The following PLPPR5 variants were observed in gnomAD, a reference collection of about 807,000 sequenced individuals.
PLPPR5 encodes the protein phospholipid phosphatase related 5, also known as phospholipid phosphatase-related protein type 5.
PLPPR5 carries 16 observed loss-of-function variants against 33.9 expected under a neutral mutation model. That is an observed-to-expected ratio of 0.47 (90% CI 0.32 to 0.72). The LOEUF (loss-of-function observed/expected upper bound fraction) is 0.72. Among genes scored for constraint, PLPPR5 ranks in the 30% least tolerant of loss-of-function variants. The pLI is 0.03. For synonymous variants in PLPPR5, 163 were observed against 150.3 expected, an observed-to-expected ratio of 1.08 and a Z score of -0.62; for missense variants, 301 against 406.7, an observed-to-expected ratio of 0.74 and a Z score of 2.23.
chr1:98,973,216 AC>A (rs1651719974), intron 1 of PLPPR5, among the ~76,000 whole-genome samples: 1 of 152,110 alleles, frequency 6.6e-6, no homozygotes, highest in Non-Finnish European at 1.5e-5. Flanking sequence ...CGTTACAAAG[AC>A]CCTGAACCTG....
chr1:98,995,122 T>C (rs1257396272), intron 1 of PLPPR5, among the ~76,000 whole-genome samples: 1 of 152,064 alleles, frequency 6.6e-6, no homozygotes, highest in Non-Finnish European at 1.5e-5. Context: ...TAAAACAGAA[T>C]TGTCATTTGA....
At chr1:98,956,798 AT>A in intron 1 of PLPPR5, 57 bp from the exon 2 acceptor site, 1 of 1,330,636 alleles carries the variant, frequency 7.5e-7, no homozygotes, top group Non-Finnish European at 1.0e-6. Context: ...TAAATGTAAA[AT>A]ATTTTTATTT....
chr1:98,959,647 A>G (rs1383055319), intron 1 of PLPPR5, among the ~76,000 whole-genome samples: 1 of 152,124 alleles, frequency 6.6e-6, no homozygotes, highest in Non-Finnish European at 1.5e-5. Context: ...TTCCGAGCAT[A>G]CATGATTTCC....
rs542213459 is a variant in PLPPR5, at chr1:98,910,886, G to A, written c.933+3900C>T. Among the ~76,000 whole-genome samples the A allele has an allele frequency of 1.0e-3, 99 of 94,566 alleles. 1 individual carries two copies. Among genetic ancestry groups the A allele is most frequent in the Admixed American group, 9.3e-3 (92 of 9,916 alleles). 62.0% of individuals were successfully genotyped at this position (94,566 alleles called of 152,430 possible). A position where few individuals can be genotyped will look rare whatever the true frequency, so the allele number is the denominator to read the frequency against. On this transcript the variant is annotated intron_variant, in intron 5 of 5. Coordinates refer to ENST00000263177, the MANE Select transcript of PLPPR5 (RefSeq NM_001037317.2). ...CACAGACAGCAGCCCTAGCCAGAGA[G>A]TGTTTTTTTTTTTTTTTTTCTCATC...
chr1:98,899,995 CT>C (rs1380416225), intron 5 of PLPPR5, among the ~76,000 whole-genome samples: 2 of 152,104 alleles, frequency 1.3e-5, no homozygotes, highest in African/African-American at 4.8e-5. Context: ...CTCTACCACA[CT>C]TTTATCCCTT....
At chr1:98,896,877 G>A (rs116362522) in intron 5 of PLPPR5, among the ~76,000 whole-genome samples, 11 of 152,120 alleles carry the variant, frequency 7.2e-5, no homozygotes, top group African/African-American at 2.6e-4. Flanking sequence ...AAACTGTCAC[G>A]ATTCGTGGCA....
At chr1:98,969,675 G>C (rs149172643) in intron 1 of PLPPR5, among the ~76,000 whole-genome samples, 3,188 of 152,000 alleles carry the variant, frequency 0.021, 46 homozygotes, top group African/African-American at 0.035. Context: ...GAATCAGTGG[G>C]GTGGCTCTTT....
chr1:98,962,304 T>C (rs1651277285), intron 1 of PLPPR5, among the ~76,000 whole-genome samples: 1 of 150,122 alleles, frequency 6.7e-6, no homozygotes, highest in African/African-American at 2.5e-5. Flanking sequence ...TTACCTCACA[T>C]AATTAGCATT....
chr1:98,974,393 T>C (rs1278164469), intron 1 of PLPPR5, among the ~76,000 whole-genome samples: 1 of 152,090 alleles, frequency 6.6e-6, no homozygotes, highest in Admixed American at 6.6e-5. Flanking sequence ...GAAAACTTTG[T>C]TAGTTAAGTC....
chr1:98,985,072 G>A (rs1355516054), intron 1 of PLPPR5, among the ~76,000 whole-genome samples: 1 of 152,052 alleles, frequency 6.6e-6, no homozygotes, highest in Admixed American at 6.6e-5. Context: ...TGACCATTTT[G>A]TCTTAACTTG....
At chr1:98,971,862 A>G (rs1651674055) in intron 1 of PLPPR5, among the ~76,000 whole-genome samples, 1 of 151,974 alleles carries the variant, frequency 6.6e-6, no homozygotes, top group African/African-American at 2.4e-5. Context: ...TGTGATGAAT[A>G]TTTTCATGTT....
At position 98,892,139 on chromosome 1, in the gene PLPPR5, TTTAAA is replaced by T. The variant is rs892718699; in HGVS notation, c.*928_*932del. 1.3e-5 allele frequency: 2 copies of T among 152,118 alleles called. No individual in the cohort carries two copies. The highest frequency in any genetic ancestry group is 1.3e-4 in the Admixed American group (2 of 15,238). The allele number at this position is 152,118 out of a possible 1,614,324, so 9.4% of individuals were successfully genotyped here. A position where few individuals can be genotyped will look rare whatever the true frequency, so the allele number is the denominator to read the frequency against. ...AACCATATTTCTAGCATTTATATAA[TTTAAA>T]TTATGTGTCAGGGTATAGTTCTTTC... On this transcript the variant is annotated 3_prime_UTR_variant, in exon 6 of 6. Coordinates refer to ENST00000263177, the MANE Select transcript of PLPPR5 (RefSeq NM_001037317.2).
chr1:98,922,162 C>T, intron 3 of PLPPR5, 104 bp from the exon 4 acceptor site: 1 of 1,013,170 alleles, frequency 9.9e-7, no homozygotes, highest in South Asian at 1.7e-5. Context: ...CATATATACG[C>T]CTGTATGATT....
chr1:98,929,746 AC>A (rs1649899888), intron 3 of PLPPR5, among the ~76,000 whole-genome samples: 2 of 152,022 alleles, frequency 1.3e-5, no homozygotes, highest in Admixed American at 1.3e-4. Context: ...CTCCAGTATG[AC>A]TCCCCCCTGA....
rs140403733 is a variant in PLPPR5 at position 98,916,260 on chromosome 1, C to T, written c.799-1340G>A. 4.3e-3 allele frequency among the ~76,000 whole-genome samples: 653 copies of T among 152,272 alleles called. 2 individuals carry two copies. The highest frequency in any genetic ancestry group is 0.015 in the African/African-American group (617 of 41,546). On this transcript the variant is annotated intron_variant, in intron 4 of 5. Coordinates refer to ENST00000263177, the MANE Select transcript of PLPPR5 (RefSeq NM_001037317.2). ...AATTATTATAGATTTCTTATCCTTC[C>T]ACTTCCCAGAAGAACTACAGATTAG...
intron 5 of PLPPR5, among the ~76,000 whole-genome samples, chr1:98,902,565 TAAAA>T (rs1648735182): frequency 6.6e-6 from 1 of 152,112 alleles, no homozygotes; most frequent in Non-Finnish European, 1.5e-5. Context: ...TTTAGTCAAA[TAAAA>T]TTTAATATTT....
chr1:98,910,851 G>A (rs1649116750), intron 5 of PLPPR5, among the ~76,000 whole-genome samples: 1 of 150,736 alleles, frequency 6.6e-6, no homozygotes, highest in African/African-American at 2.4e-5. Flanking sequence ...GGGAGAATGT[G>A]CAAACTCCAC....
chr1:98,914,775 T>C lies in PLPPR5; in HGVS notation c.933+11A>G. On this transcript the variant is annotated intron_variant, in intron 5 of 5. Transcript: ENST00000263177. ...TAGTTATTATAATTTAGAATTTAAA[T>C]TGTGAGTCACCTGTACAGATGTTAC... 2.5e-6 allele frequency: 4 copies of C among 1,597,130 alleles called. No homozygotes were observed. The highest frequency in any genetic ancestry group is 3.4e-6 in the Non-Finnish European group (4 of 1,173,230).
At chr1:98,987,413 G>C (rs1652297701) in intron 1 of PLPPR5, among the ~76,000 whole-genome samples, 1 of 151,740 alleles carries the variant, frequency 6.6e-6, no homozygotes, top group East Asian at 1.9e-4. Flanking sequence ...TCTGTTATTA[G>C]TCATAATTTT....
Sources: allele counts gnomAD v4.1 joint callset (sites outside exome capture counted in the v4.1 genomes callset), GRCh38; gene constraint gnomAD v4.1.1; transcripts MANE v1.5; gene names NCBI Gene and HGNC (gene_info 2026-07-23, HGNC 2026-07-21).